PXMP4: variants seen among roughly 807,000 people sequenced by gnomAD.
The protein encoded by PXMP4 is peroxisomal membrane protein 4.
Under a neutral mutation model 21.6 loss-of-function variants are expected in PXMP4, and 16 were observed. The observed-to-expected ratio is 0.74, with a 90% CI of 0.50 to 1.13. The LOEUF is 1.13. PXMP4 is among the 50% of genes most tolerant of loss of function. The probability of loss-of-function intolerance (pLI) is 0.00; values close to 1 mark genes in which losing one functional copy is unlikely to be tolerated. For missense variants in PXMP4, 240 were observed against 277.7 expected (o/e 0.86, Z 0.96); for synonymous variants, 127 against 123.8 (o/e 1.03, Z -0.17).
chr20:33,711,530 A>G (rs2018325475), intron 2 of PXMP4, among the ~76,000 whole-genome samples: 1 of 152,174 alleles, frequency 6.6e-6, no homozygotes, highest in Non-Finnish European at 1.5e-5. Context: ...CTTTATCCTG[A>G]GAAGTGAACA....
Position 33,710,702 on chromosome 20 carries a change from C to T in PXMP4, c.228G>A (p.Trp76Ter), listed in dbSNP as rs1262247551. 5 of 1,613,628 alleles carry T rather than the reference C, an allele frequency of 3.1e-6. No homozygotes were observed. ...AILQATYIHS[W>*]NLARFVFTYK... ...AGGTGAACACAAACCGTGCCAGGTTCCAGGAGTGGATATATGTGGCCTGCA... is the reference window on the plus strand; with the variant it reads ...AGGTGAACACAAACCGTGCCAGGTTTCAGGAGTGGATATATGTGGCCTGCA... The change falls in exon 3 of 4, where the codon TGG (tryptophan) becomes TGA (stop). Residue 76 changes from tryptophan to a stop codon, truncating the protein, a stop_gained. Transcript: ENST00000409299. LOFTEE classifies it high-confidence loss of function.
chr20:33,712,662 T>C (rs924142034), intron 2 of PXMP4, among the ~76,000 whole-genome samples: 1 of 151,952 alleles, frequency 6.6e-6, no homozygotes, highest in Non-Finnish European at 1.5e-5. Context: ...GGAGTCTCAC[T>C]CTGTGTGGCC....
intron 3 of PXMP4, among the ~76,000 whole-genome samples, chr20:33,709,034 G>A (rs2018293988): frequency 6.6e-6 from 1 of 152,160 alleles, no homozygotes; most frequent in Admixed American, 6.6e-5. Context: ...CAGGTGTGGT[G>A]GCTCACGCTG....
At position 33,707,398 on chromosome 20, in the gene PXMP4, C is replaced by CCT; in HGVS notation, c.*306_*307dup. 3 of 321,904 alleles carry CCT rather than the reference C, an allele frequency of 9.3e-6. No individual in the cohort carries two copies. The highest frequency in any genetic ancestry group is 1.7e-5 in the Non-Finnish European group (3 of 172,352). The allele number at this position is 321,904 out of a possible 1,614,324, so 19.9% of individuals were successfully genotyped here. A position where few individuals can be genotyped will look rare whatever the true frequency, so the allele number is the denominator to read the frequency against. On this transcript the variant is annotated 3_prime_UTR_variant, in exon 4 of 4. Transcript: ENST00000409299. ...AATGAACATACCCACCGGAAAGAGA[C>CCT]CTCAGGGCCCTCCTCTGAGCTCCTT...
At chr20:33,719,137 C>T (rs1233783276) in intron 1 of PXMP4, among the ~76,000 whole-genome samples, 1 of 152,240 alleles carries the variant, frequency 6.6e-6, no homozygotes, top group Non-Finnish European at 1.5e-5. Flanking sequence ...CTCAGATAAT[C>T]CGCCTGCCTC....
chr20:33,719,054 C>A (rs1051686003), intron 1 of PXMP4, among the ~76,000 whole-genome samples: 1 of 152,160 alleles, frequency 6.6e-6, no homozygotes, highest in Non-Finnish European at 1.5e-5. Context: ...TGACACTACA[C>A]CCGGCTAATT....
chr20:33,706,289 G>A lies in PXMP4; in HGVS notation c.*1417C>T, dbSNP rs1288681519. 1 of 151,742 alleles carries A rather than the reference G, an allele frequency of 6.6e-6. No individual in the cohort carries two copies. Among genetic ancestry groups the A allele is most frequent in the African/African-American group, 2.4e-5 (1 of 41,318 alleles). The allele number at this position is 151,742 out of a possible 1,614,324, so 9.4% of individuals were successfully genotyped here. ...ACACACATTTGCAAGGCCACTGTAT[G>A]GTTTAAAAATAATATGTGCAGGCTA... On this transcript the variant is annotated 3_prime_UTR_variant, in exon 4 of 4. Transcript: ENST00000409299.
chr20:33,716,157 C>T (rs2018381867), intron 1 of PXMP4, among the ~76,000 whole-genome samples: 1 of 152,134 alleles, frequency 6.6e-6, no homozygotes, highest in East Asian at 1.9e-4. Context: ...CCAGTCTCAT[C>T]TTTTAAAAAC....
rs902042500 is a variant in PXMP4, at chr20:33,704,953, A to C, written c.*2753T>G. 2.1e-5 allele frequency: 3 copies of C among 141,746 alleles called. No individual in the cohort carries two copies. The highest frequency in any genetic ancestry group is 7.8e-5 in the African/African-American group (3 of 38,266). The allele number at this position is 141,746 out of a possible 1,614,324, so 8.8% of individuals were successfully genotyped here. ...CTCAAATTGGTAGCCCATGGACCAG[A>C]TTTTCCTGGAGACTTGTTTGATTTG... is the stretch of plus-strand genomic sequence containing the variant. On this transcript the variant is annotated 3_prime_UTR_variant, in exon 4 of 4. Transcript: ENST00000409299.
chr20:33,713,928 A>G (rs1328003616), intron 2 of PXMP4, among the ~76,000 whole-genome samples: 5 of 151,950 alleles, frequency 3.3e-5, no homozygotes, highest in Admixed American at 2.0e-4. Context: ...GCGAGAGACA[A>G]GAGATCAGGG....
chr20:33,709,908 C>T (rs1362363422), intron 3 of PXMP4, among the ~76,000 whole-genome samples: 1 of 137,060 alleles, frequency 7.3e-6, no homozygotes, highest in East Asian at 2.3e-4. Context: ...CACTGAACCA[C>T]GCTCTTTCCC....
rs557360714 is a variant in PXMP4, at chr20:33,714,543, A to C, written c.176+131T>G. On this transcript the variant is annotated intron_variant, in intron 2 of 3. Transcript: ENST00000409299. ...ACAACAACAACAACAACAACAACAA[A>C]ACACAACAAAAAAAGAGTTGAACTT... 4.4e-6 allele frequency: 4 copies of C among 912,988 alleles called. No individual in the cohort carries two copies. The African/African-American group carries it at 6.6e-5, about 15-fold the overall frequency. 56.6% of individuals were successfully genotyped at this position (912,988 alleles called of 1,614,324 possible).
Position 33,705,284 on chromosome 20 carries a change from C to T in PXMP4, c.*2422G>A, listed in dbSNP as rs1253630559. 6.6e-6 allele frequency: 1 copy of T among 151,326 alleles called. No homozygotes were observed. The highest frequency in any genetic ancestry group is 1.5e-5 in the Non-Finnish European group (1 of 67,728). The allele number at this position is 151,326 out of a possible 1,614,324, so 9.4% of individuals were successfully genotyped here. A position where few individuals can be genotyped will look rare whatever the true frequency, so the allele number is the denominator to read the frequency against. On this transcript the variant is annotated 3_prime_UTR_variant, in exon 4 of 4. Coordinates refer to ENST00000409299, the MANE Select transcript of PXMP4 (RefSeq NM_007238.5). ...GGATTACAGGTGCAAGCCACCGTGC[C>T]TGGTCTAGGATCGTGGTTTCGAAAA...
intron 1 of PXMP4, among the ~76,000 whole-genome samples, chr20:33,718,690 C>T (rs1041390713): frequency 1.3e-5 from 2 of 152,008 alleles, no homozygotes; most frequent in African/African-American, 4.8e-5. Context: ...GTTTGAATCC[C>T]GGCTCCAACC....
rs1160218868 is a variant in PXMP4 at position 33,705,695 on chromosome 20, T to C, written c.*2011A>G. 3.3e-5 allele frequency: 5 copies of C among 152,102 alleles called. No individual in the cohort carries two copies. The highest frequency in any genetic ancestry group is 7.2e-5 in the African/African-American group (3 of 41,426). The allele number at this position is 152,102 out of a possible 1,614,324, so 9.4% of individuals were successfully genotyped here. A position where few individuals can be genotyped will look rare whatever the true frequency, so the allele number is the denominator to read the frequency against. The stretch of plus-strand genomic sequence containing the variant: ...CTCCTCATCGCATAGCACTATGTCA[T>C]TGTAGGCCCCTATGGGCATTTGAAT... On this transcript the variant is annotated 3_prime_UTR_variant, in exon 4 of 4. Transcript: ENST00000409299.
chr20:33,719,739 C>G (rs2018426025), intron 1 of PXMP4, among the ~76,000 whole-genome samples: 1 of 152,204 alleles, frequency 6.6e-6, no homozygotes, highest in African/African-American at 2.4e-5. Context: ...AGGCCAGAGT[C>G]CAGTTCCCCA....
intron 1 of PXMP4, among the ~76,000 whole-genome samples, chr20:33,717,804 A>T (rs923485335): frequency 1.1e-4 from 17 of 152,068 alleles, no homozygotes; most frequent in Non-Finnish European, 2.1e-4. Flanking sequence ...CATTGTTTTA[A>T]CTATACTCAG....
chr20:33,704,516 C>T lies in PXMP4; in HGVS notation c.*3190G>A, dbSNP rs187653084. On this transcript the variant is annotated 3_prime_UTR_variant, in exon 4 of 4. Transcript: ENST00000409299. The stretch of plus-strand genomic sequence containing the variant: ...AGGCCATGGACCGGTACCGGGGTTG[C>T]GGACCCCTTACTCTAGAGCTCATTC... The T allele has an allele frequency of 3.3e-5, 5 of 152,306 alleles. No individual in the cohort carries two copies. Among genetic ancestry groups the T allele is most frequent in the South Asian group, 4.1e-4 (2 of 4,824 alleles). The allele number at this position is 152,306 out of a possible 1,614,324, so 9.4% of individuals were successfully genotyped here.
rs1222504910 is a variant in PXMP4, at chr20:33,706,769, G to A, written c.*937C>T. On this transcript the variant is annotated 3_prime_UTR_variant, in exon 4 of 4. Transcript: ENST00000409299. ...TGGCTACTGGGTCCTGAAAATGTGG[G>A]TGGCAAAATATACACCCAATTTTGA... The A allele has an allele frequency of 6.6e-6, 1 of 152,056 alleles. No homozygotes were observed. Among genetic ancestry groups the A allele is most frequent in the Non-Finnish European group, 1.5e-5 (1 of 68,016 alleles). 9.4% of individuals were successfully genotyped at this position (152,056 alleles called of 1,614,324 possible).
Sources: allele counts gnomAD v4.1 joint callset (sites outside exome capture counted in the v4.1 genomes callset), GRCh38; gene constraint gnomAD v4.1.1; transcripts MANE v1.5; gene names NCBI Gene and HGNC (gene_info 2026-07-23, HGNC 2026-07-21).